The following MIA2 variants were observed in gnomAD, a reference collection of about 807,000 sequenced individuals.
MIA2 encodes MIA SH3 domain ER export factor 2, also known as melanoma inhibitory activity protein 2.
A neutral mutation model predicts 167.8 loss-of-function variants in MIA2; 127 were observed. The observed-to-expected ratio is 0.76, with a 90% CI of 0.66 to 0.88. The LOEUF (loss-of-function observed/expected upper bound fraction) is 0.88, where lower values mean the gene tolerates loss of function less well. Ranked by LOEUF, MIA2 falls within the 40% of genes least tolerant of loss-of-function variation. MIA2 has a pLI of 0.00. For synonymous variants in MIA2, 552 were observed against 541.9 expected, an observed-to-expected ratio of 1.02 and a Z score of -0.26; for missense variants, 1,690 against 1,624.7, an observed-to-expected ratio of 1.04 and a Z score of -0.69.
At chr14:39,376,899 G>C (rs1342342096) in intron 23 of MIA2, among the ~76,000 whole-genome samples, 1 of 152,166 alleles carries the variant, frequency 6.6e-6, no homozygotes, top group Admixed American at 6.5e-5. Flanking sequence ...GTGATAGAGT[G>C]GAGATATTTG....
At chr14:39,267,205 G>A (rs73277415) in intron 6 of MIA2, 3 of 1,328,124 alleles carry the variant, frequency 2.3e-6, no homozygotes, top group African/African-American at 3.0e-5. Flanking sequence ...TCGCAGGCTT[G>A]TGCGGGTCGG....
At chr14:39,254,365 G>T (rs2054721137) in intron 6 of MIA2, among the ~76,000 whole-genome samples, 1 of 152,186 alleles carries the variant, frequency 6.6e-6, no homozygotes, top group Non-Finnish European at 1.5e-5. Flanking sequence ...ACTCTATCTT[G>T]TAGATGATGG....
chr14:39,301,001 CAT>C lies in MIA2; in HGVS notation c.2619+1021_2619+1022del, dbSNP rs1199126677. ...ATATATACATATATACACATATATACATATATACACATATATACACACATATA... is the reference window on the plus strand; with the variant it reads ...ATATATACATATATACACATATATACATATACACATATATACACACATATA... On this transcript the variant is annotated intron_variant, in intron 14 of 28. Transcript: ENST00000640607. Among the ~76,000 whole-genome samples, 503 of 146,544 alleles carry C rather than the reference CAT, an allele frequency of 3.4e-3. 8 individuals carry two copies. Among genetic ancestry groups the C allele is most frequent in the African/African-American group, 0.013 (483 of 38,592 alleles).
In MIA2 at chr14:39,247,302, T is replaced by C. The variant is rs1382772223; in HGVS notation, c.728T>C (p.Ile243Thr). 3.7e-6 allele frequency: 6 copies of C among 1,613,892 alleles called. No homozygotes were observed. The highest frequency in any genetic ancestry group is 5.1e-6 in the Non-Finnish European group (6 of 1,179,972). The change falls in exon 4 of 29, where the codon ATT (isoleucine) becomes ACT (threonine). Residue 243 changes from isoleucine (I) to threonine (T), a missense_variant. Transcript: ENST00000640607. Reference protein sequence around the residue: ...QAEEKAFESVIEPVQESSFRS... With the variant: ...QAEEKAFESVTEPVQESSFRS... ...GAAGAGAAGGCTTTTGAATCAGTTATTGAACCTGTACAAGAAAGCTCATTT... is the reference window on the plus strand; with the variant it reads ...GAAGAGAAGGCTTTTGAATCAGTTACTGAACCTGTACAAGAAAGCTCATTT...
At chr14:39,337,382 G>A (rs894280473) in intron 25 of MIA2, among the ~76,000 whole-genome samples, 12 of 152,132 alleles carry the variant, frequency 7.9e-5, no homozygotes, top group African/African-American at 2.7e-4. Context: ...AACAACTGAA[G>A]AGAAAATTCA....
At chr14:39,293,502 G>C in intron 11 of MIA2, 121 bp downstream of exon 11, 1 of 657,056 alleles carries the variant, frequency 1.5e-6, no homozygotes, top group South Asian at 2.5e-5. Context: ...ACAGGTGGTT[G>C]TAGAGAGCAA....
Position 39,306,048 on chromosome 14 carries a change from G to T in MIA2, c.2878+1667G>T, listed in dbSNP as rs531631342. Among the ~76,000 whole-genome samples the T allele has an allele frequency of 4.3e-4, 65 of 151,934 alleles. No individual in the cohort carries two copies. The Middle Eastern group carries it at 0.014, about 32-fold the overall frequency. ...AATTTTAATAGAGATAATACCCAAC[G>T]TTAATTTCTTTACGTGATTGTTCTT... is the stretch of plus-strand genomic sequence containing the variant. On this transcript the variant is annotated intron_variant, in intron 17 of 28. Transcript: ENST00000640607.
At chr14:39,336,788 C>G (rs577114721) in intron 25 of MIA2, among the ~76,000 whole-genome samples, 1 of 151,928 alleles carries the variant, frequency 6.6e-6, no homozygotes, top group Non-Finnish European at 1.5e-5. Flanking sequence ...ACTTTGTCAC[C>G]CAGCTAGAGT....
Position 39,237,005 on chromosome 14 carries a change from T to C in MIA2, c.199T>C (p.Ser67Pro), listed in dbSNP as rs2053775547. ...GAACTTCACTAAGGGAGAAGAGATATCTGTTTATGTTAAACTTGCAGGAGA... is the reference window on the plus strand; with the variant it reads ...GAACTTCACTAAGGGAGAAGAGATACCTGTTTATGTTAAACTTGCAGGAGA... ...YLNFTKGEEI[S>P]VYVKLAGERE... The change falls in exon 2 of 29, where the codon TCT becomes CCT. Residue 67 changes from serine (S) to proline (P), a missense_variant. By Grantham distance (74) the Ser-to-Pro change is moderately conservative (BLOSUM62 -1). Coordinates refer to ENST00000640607, the MANE Select transcript of MIA2 (RefSeq NM_001329214.4). The C allele has an allele frequency of 1.9e-6, 3 of 1,614,020 alleles. No homozygotes were observed. The highest frequency in any genetic ancestry group is 2.5e-6 in the Non-Finnish European group (3 of 1,179,988).
chr14:39,238,793 C>CAAAAAAAAAAAAAAAAAAAAAAAAAAAAA lies in MIA2; in HGVS notation c.250-1750_250-1749insAAAAAAAAAAAAAAAAAAAAAAAAAAAAA, dbSNP rs769534317. Among the ~76,000 whole-genome samples the CAAAAAAAAAAAAAAAAAAAAAAAAAAAAA allele has an allele frequency of 5.5e-4, 17 of 30,806 alleles. 1 individual carries two copies. The highest frequency in any genetic ancestry group is 0.033 in the Middle Eastern group (1 of 30). 20.2% of individuals were successfully genotyped at this position (30,806 alleles called of 152,430 possible). ...TGGGTTACAAAGTGAGACCCTGTCT[C>CAAAAAAAAAAAAAAAAAAAAAAAAAAAAA]AAAAAAAAAAAAAAAAAACCCAAAA... On this transcript the variant is annotated intron_variant, in intron 2 of 28. Transcript: ENST00000640607.
chr14:39,332,932 C>T (rs1302016184), intron 25 of MIA2, among the ~76,000 whole-genome samples: 1 of 152,074 alleles, frequency 6.6e-6, no homozygotes, highest in Admixed American at 6.6e-5. Flanking sequence ...CTTTCCTTGT[C>T]ATCTCCATTC....
rs1353731809 is a variant in MIA2 at position 39,349,279 on chromosome 14, G to A, written c.4072+302G>A. Among the ~76,000 whole-genome samples, 6 of 152,214 alleles carry A rather than the reference G, an allele frequency of 3.9e-5. No homozygotes were observed. In the East Asian group the frequency reaches 1.2e-3, roughly 29 times the overall value. On this transcript the variant is annotated intron_variant, in intron 28 of 28. Coordinates refer to ENST00000640607, the MANE Select transcript of MIA2 (RefSeq NM_001329214.4). Reference sequence around the variant, plus strand: ...ACTAAAATTATCTGTACCTTATTTGGTAGCAACTGGTTATTCTGACAGTTA... The same window carrying A: ...ACTAAAATTATCTGTACCTTATTTGATAGCAACTGGTTATTCTGACAGTTA...
chr14:39,354,412 G>GT (rs973197665), downstream of MIA2, among the ~76,000 whole-genome samples: 1 of 152,078 alleles, frequency 6.6e-6, no homozygotes, highest in African/African-American at 2.4e-5. Flanking sequence ...TGATGGGGCT[G>GT]TTTTTTTCTC....
At chr14:39,336,030 A>G (rs549430192) in intron 25 of MIA2, among the ~76,000 whole-genome samples, 49 of 152,210 alleles carry the variant, frequency 3.2e-4, no homozygotes, top group African/African-American at 1.1e-3. Context: ...GGTTGATTTC[A>G]TGTCTTTGCT....
intron 6 of MIA2, among the ~76,000 whole-genome samples, chr14:39,258,531 G>A (rs2054923414): frequency 6.6e-6 from 1 of 152,110 alleles, no homozygotes; most frequent in African/African-American, 2.4e-5. Flanking sequence ...GTTAGAACAT[G>A]CTCCTTTAGC....
chr14:39,333,126 A>T (rs1196789228), intron 25 of MIA2, among the ~76,000 whole-genome samples: 1 of 152,028 alleles, frequency 6.6e-6, no homozygotes, highest in African/African-American at 2.4e-5. Context: ...AAGTCATTGT[A>T]TGGTAATTCT....
At position 39,319,252 on chromosome 14, in the gene MIA2, C is replaced by A; in HGVS notation, c.3328C>A (p.Pro1110Thr). Residue 1110 changes from proline (P) to threonine (T), a missense_variant, in exon 23 of 29, where the codon CCT becomes ACT. Transcript: ENST00000640607. ...TAAATTTGAACTTTTAGAAAAAGAT[C>A]CTTATGCACTCGATGTTCCAAATAC... ...ELKFELLEKD[P>T]YALDVPNTAF... 13 of 1,566,236 alleles carry A rather than the reference C, an allele frequency of 8.3e-6. No individual in the cohort carries two copies. The highest frequency in any genetic ancestry group is 2.0e-4 in the Middle Eastern group (1 of 4,928).
intron 18 of MIA2, among the ~76,000 whole-genome samples, chr14:39,309,935 A>G (rs1193440013): frequency 1.0e-5 from 1 of 99,012 alleles, no homozygotes; most frequent in African/African-American, 4.1e-5. Context: ...AAATAGTGCC[A>G]TGGCATGTAT....
rs1372324656 is a variant in MIA2, at chr14:39,247,673, A to G, written c.1099A>G (p.Thr367Ala). 3 of 1,611,164 alleles carry G rather than the reference A, an allele frequency of 1.9e-6. No individual in the cohort carries two copies. The highest frequency in any genetic ancestry group is 1.7e-6 in the Non-Finnish European group (2 of 1,179,282). The change falls in exon 4 of 29, where the codon ACT (threonine) becomes GCT (alanine). Residue 367 changes from threonine to alanine, a missense_variant. Transcript: ENST00000640607. The stretch of plus-strand genomic sequence containing the variant: ...ATTAACAGAAAAAAAAGACACAATC[A>G]CTAATGATAGCTTGAGTCTCAAGCC... ...EILTEKKDTI[T>A]NDSLSLKPSW...
Sources: allele counts gnomAD v4.1 joint callset (sites outside exome capture counted in the v4.1 genomes callset), GRCh38; gene constraint gnomAD v4.1.1; transcripts MANE v1.5; gene names NCBI Gene and HGNC (gene_info 2026-07-23, HGNC 2026-07-21).